The following BLTP2 variants were observed in gnomAD, a reference collection of about 807,000 sequenced individuals.
The protein encoded by BLTP2 is bridge-like lipid transfer protein family member 2, also known as U937-associated antigen.
the BLTP2 span, chr17:28,615,845 A>G: frequency 6.2e-7 from 1 of 1,601,910 alleles, no homozygotes; most frequent in Admixed American, 1.7e-5. Context: ...GGTGGGGAAT[A>G]CATCAGCTGC....
chr17:28,644,002 G>T, the BLTP2 span: 15 of 1,551,232 alleles, frequency 9.7e-6, no homozygotes, highest in Non-Finnish European at 1.2e-5. Flanking sequence ...GAAATTAAGA[G>T]TTTAAATTCA....
chr17:28,624,818 GC>G, the BLTP2 span, among the ~76,000 whole-genome samples: 1 of 151,836 alleles, frequency 6.6e-6, no homozygotes, highest in Admixed American at 6.6e-5. Context: ...ATGTCTCCAG[GC>G]CCTCTTCCTT....
At chr17:28,632,395 G>A in the BLTP2 span, among the ~76,000 whole-genome samples, 1 of 152,172 alleles carries the variant, frequency 6.6e-6, no homozygotes, top group East Asian at 1.9e-4. Flanking sequence ...TTCTTTCAAG[G>A]ATCTAAGCTC....
the BLTP2 span, chr17:28,641,956 C>T: frequency 9.9e-6 from 16 of 1,614,072 alleles, no homozygotes; most frequent in Non-Finnish European, 8.5e-7. Flanking sequence ...GGAAGAGGCC[C>T]TCATGCAGTT....
the BLTP2 span, chr17:28,624,304 A>C: frequency 6.2e-7 from 1 of 1,614,180 alleles, no homozygotes; most frequent in Non-Finnish European, 8.5e-7. Flanking sequence ...GCAATGCCAC[A>C]CAACTGGTCA....
chr17:28,615,611 G>A, the BLTP2 span: 2 of 1,588,958 alleles, frequency 1.3e-6, no homozygotes, highest in Middle Eastern at 2.1e-4. Context: ...CCTGAAAAGA[G>A]GATCTGCCTG....
the BLTP2 span, chr17:28,628,613 C>G: frequency 6.8e-7 from 1 of 1,471,652 alleles, no homozygotes; most frequent in South Asian, 1.2e-5. Context: ...CCCAGTGCCA[C>G]AGAGGCAGTG....
the BLTP2 span, chr17:28,628,288 T>C: frequency 6.8e-6 from 11 of 1,614,012 alleles, no homozygotes; most frequent in African/African-American, 1.5e-4. Flanking sequence ...CTTATCAGGT[T>C]GTCCACTGAA....
At chr17:28,643,186 G>T in the BLTP2 span, 1 of 1,614,188 alleles carries the variant, frequency 6.2e-7, no homozygotes, top group Non-Finnish European at 8.5e-7. Context: ...CTTCAATAAG[G>T]ATGGGCTGAA....
the BLTP2 span, chr17:28,642,779 G>C: frequency 6.6e-6 from 5 of 758,476 alleles, no homozygotes; most frequent in African/African-American, 8.7e-5. Flanking sequence ...CAACTGCACA[G>C]AATGAGAACT....
At chr17:28,641,880 G>C in the BLTP2 span, 2 of 1,587,170 alleles carry the variant, frequency 1.3e-6, no homozygotes, top group South Asian at 2.2e-5. Flanking sequence ...TCAATCACTG[G>C]GGCTTTACCT....
chr17:28,644,275 G>A, the BLTP2 span: 4 of 1,444,454 alleles, frequency 2.8e-6, no homozygotes, highest in African/African-American at 1.4e-5. Context: ...CCTTGCAAAA[G>A]GTCGTTCCTG....
At chr17:28,639,488 T>C in the BLTP2 span, 7 of 1,613,108 alleles carry the variant, frequency 4.3e-6, no homozygotes, top group South Asian at 1.1e-5. Flanking sequence ...GAACTGTGGG[T>C]TTGGGTTTTA....
the BLTP2 span, chr17:28,634,848 A>G: frequency 6.2e-7 from 1 of 1,613,742 alleles, no homozygotes; most frequent in Non-Finnish European, 8.5e-7. Flanking sequence ...CGGCCACTTT[A>G]GCATCCAGTA....
chr17:28,639,316 T>C, the BLTP2 span: 2 of 1,613,112 alleles, frequency 1.2e-6, no homozygotes, highest in Non-Finnish European at 1.7e-6. Flanking sequence ...CAGACTGACC[T>C]TTTTTTCCTT....
At chr17:28,616,604 A>G in the BLTP2 span, 1 of 1,614,188 alleles carries the variant, frequency 6.2e-7, no homozygotes, top group Middle Eastern at 1.7e-4. The surrounding 1 kb of genome is among the most constrained non-coding windows in gnomAD (Gnocchi z 4.8). Context: ...GGGCTCCACC[A>G]TAAAAGTTCT....
chr17:28,633,889 A>T, the BLTP2 span: 4 of 1,613,644 alleles, frequency 2.5e-6, no homozygotes, highest in Non-Finnish European at 3.4e-6. Flanking sequence ...CCTCATCTCT[A>T]CTCACAGTGA....
At chr17:28,616,407 A>G in the BLTP2 span, 3 of 1,614,038 alleles carry the variant, frequency 1.9e-6, no homozygotes, top group Non-Finnish European at 2.5e-6. The surrounding 1 kb of genome is among the most constrained non-coding windows in gnomAD (Gnocchi z 4.8). Flanking sequence ...TGACCTTCTG[A>G]CCCCAGAACT....
the BLTP2 span, chr17:28,634,459 G>A: frequency 2.0e-6 from 3 of 1,529,120 alleles, no homozygotes; most frequent in African/African-American, 1.4e-5. Flanking sequence ...ATCACTGAGA[G>A]CTCCCCAGAG....
Sources: allele counts gnomAD v4.1 joint callset (sites outside exome capture counted in the v4.1 genomes callset), GRCh38; gene constraint gnomAD v4.1.1; non-coding constraint Gnocchi (gnomAD v3.1); transcripts MANE v1.5; gene names NCBI Gene and HGNC (gene_info 2026-07-23, HGNC 2026-07-21).